GALNT13: variants seen among roughly 807,000 people sequenced by gnomAD.
GALNT13 encodes polypeptide N-acetylgalactosaminyltransferase 13.
A neutral mutation model predicts 64.2 loss-of-function variants in GALNT13; 28 were observed. That is an observed-to-expected ratio of 0.44 (90% CI 0.32 to 0.60). GALNT13 has a LOEUF of 0.60. Ranked by LOEUF, GALNT13 falls within the 20% of genes least tolerant of loss-of-function variation. GALNT13 has a pLI of 0.05. For missense variants in GALNT13, 577 were observed against 669.8 expected (o/e 0.86, Z 1.53); for synonymous variants, 214 against 224.6 (o/e 0.95, Z 0.42).
At chr2:154,057,956 A>C (rs1321744925) in intron 3 of GALNT13, among the ~76,000 whole-genome samples, 1 of 152,234 alleles carries the variant, frequency 6.6e-6, no homozygotes, top group African/African-American at 2.4e-5. Context: ...TTTATTGAAC[A>C]GCTGCATAGT....
At chr2:153,709,041 T>A in the GALNT13 span, among the ~76,000 whole-genome samples, 1 of 151,900 alleles carries the variant, frequency 6.6e-6, no homozygotes, top group Non-Finnish European at 1.5e-5. Context: ...CTAGAAGAAA[T>A]CAGGGGAAAA....
the GALNT13 span, among the ~76,000 whole-genome samples, chr2:153,130,811 C>T: frequency 6.6e-6 from 1 of 152,156 alleles, no homozygotes; most frequent in African/African-American, 2.4e-5. Context: ...GATTAGATTG[C>T]ATTTCCTTCA....
At chr2:153,223,772 A>G in the GALNT13 span, among the ~76,000 whole-genome samples, 1 of 152,024 alleles carries the variant, frequency 6.6e-6, no homozygotes, top group Non-Finnish European at 1.5e-5. Context: ...CAACCTGGCC[A>G]ACATGGTGAA....
the GALNT13 span, among the ~76,000 whole-genome samples, chr2:153,462,064 G>A: frequency 3.2e-4 from 49 of 151,764 alleles, no homozygotes; most frequent in South Asian, 2.1e-4. Context: ...TTACTGTTGC[G>A]CATCCCATAG....
At chr2:153,637,910 A>T in the GALNT13 span, among the ~76,000 whole-genome samples, 1 of 152,156 alleles carries the variant, frequency 6.6e-6, no homozygotes, top group Non-Finnish European at 1.5e-5. Context: ...TAGTCAATAA[A>T]ATTTTGTACA....
chr2:154,325,728 A>T (rs184812294), intron 9 of GALNT13, among the ~76,000 whole-genome samples: 130 of 152,162 alleles, frequency 8.5e-4, no homozygotes, highest in Middle Eastern at 3.4e-3. Context: ...CACCTCATGC[A>T]TTGTAACTCA....
intron 8 of GALNT13, among the ~76,000 whole-genome samples, chr2:154,274,897 A>T (rs757770279): frequency 2.0e-5 from 3 of 152,128 alleles, no homozygotes; most frequent in Non-Finnish European, 4.4e-5. Flanking sequence ...GACTTGTTTA[A>T]TGGCTTTGAA....
the GALNT13 span, among the ~76,000 whole-genome samples, chr2:153,481,581 G>A: frequency 6.6e-6 from 1 of 152,154 alleles, no homozygotes; most frequent in East Asian, 1.9e-4. Flanking sequence ...TATTTAACTA[G>A]TGTCCTCTTC....
the GALNT13 span, among the ~76,000 whole-genome samples, chr2:153,469,025 G>A: frequency 6.6e-6 from 1 of 152,070 alleles, no homozygotes. Flanking sequence ...GTCTAGAGGA[G>A]AATGGCTTAT....
At chr2:154,373,634 TAAAAG>T (rs1026240117) in intron 9 of GALNT13, among the ~76,000 whole-genome samples, 1 of 152,194 alleles carries the variant, frequency 6.6e-6, no homozygotes, top group African/African-American at 2.4e-5. Context: ...GCTTTTAAAA[TAAAAG>T]AGCATCCCAT....
At chr2:154,278,779 A>G (rs1054206426) in intron 8 of GALNT13, among the ~76,000 whole-genome samples, 1 of 152,136 alleles carries the variant, frequency 6.6e-6, no homozygotes, top group East Asian at 1.9e-4. Flanking sequence ...TAAGATGATA[A>G]GATAATTGGA....
chr2:153,502,200 T>C, the GALNT13 span, among the ~76,000 whole-genome samples: 4 of 152,284 alleles, frequency 2.6e-5, no homozygotes, highest in East Asian at 7.7e-4. Context: ...CCAAGCAGTG[T>C]ACACTGTACT....
At chr2:153,127,178 C>T in the GALNT13 span, among the ~76,000 whole-genome samples, 1 of 152,002 alleles carries the variant, frequency 6.6e-6, no homozygotes, top group Non-Finnish European at 1.5e-5. Context: ...GCTGGTAATG[C>T]AATACATTAT....
chr2:154,014,882 C>G (rs557221834), intron 3 of GALNT13, among the ~76,000 whole-genome samples: 1 of 152,000 alleles, frequency 6.6e-6, no homozygotes, highest in Non-Finnish European at 1.5e-5. Context: ...CTGCCCGCCT[C>G]AGCCTCCCAA....
At chr2:153,923,543 T>A (rs1215617670) in intron 2 of GALNT13, among the ~76,000 whole-genome samples, 1 of 152,136 alleles carries the variant, frequency 6.6e-6, no homozygotes, top group South Asian at 2.1e-4. Context: ...TGGTTGTTTT[T>A]ATTTTTTTTT....
intron 12 of GALNT13, among the ~76,000 whole-genome samples, chr2:154,443,171 A>G (rs976164471): frequency 6.6e-6 from 1 of 152,118 alleles, no homozygotes; most frequent in Non-Finnish European, 1.5e-5. Context: ...TGCATTACAC[A>G]GTTATTACCT....
intron 10 of GALNT13, among the ~76,000 whole-genome samples, chr2:154,407,567 A>C (rs1173183164): frequency 6.7e-6 from 1 of 149,942 alleles, no homozygotes; most frequent in African/African-American, 2.5e-5. Context: ...ACCTGAAATC[A>C]GATTGAGAAT....
chr2:153,288,380 C>T, the GALNT13 span, among the ~76,000 whole-genome samples: 234 of 152,188 alleles, frequency 1.5e-3, no homozygotes, highest in African/African-American at 5.4e-3. Context: ...GCTTTAGATA[C>T]CTGTGGTAAA....
chr2:154,256,627 A>G (rs1690390912), intron 7 of GALNT13, among the ~76,000 whole-genome samples: 1 of 152,184 alleles, frequency 6.6e-6, no homozygotes, highest in Non-Finnish European at 1.5e-5. Flanking sequence ...TACTTAAATG[A>G]TTAACATCAA....
Sources: allele counts gnomAD v4.1 joint callset (sites outside exome capture counted in the v4.1 genomes callset), GRCh38; gene constraint gnomAD v4.1.1; transcripts MANE v1.5; gene names NCBI Gene and HGNC (gene_info 2026-07-23, HGNC 2026-07-21).